PARD3B: variants seen among roughly 807,000 people sequenced by gnomAD.
The protein encoded by PARD3B is par-3 family cell polarity regulator beta.
Under a neutral mutation model 130.2 loss-of-function variants are expected in PARD3B, and 103 were observed. That is an observed-to-expected ratio of 0.79 (90% confidence interval 0.67 to 0.93). The LOEUF (loss-of-function observed/expected upper bound fraction) is 0.93, where lower values mean the gene tolerates loss of function less well. Ranked by LOEUF, PARD3B falls within the 40% of genes least tolerant of loss-of-function variation. The pLI is 0.00. For missense variants in PARD3B, 1,609 were observed against 1,499.2 expected (o/e 1.07, Z -1.21); for synonymous variants, 583 against 553.2 (o/e 1.05, Z -0.76).
chr2:205,013,988 T>C (rs892573919), intron 3 of PARD3B, among the ~76,000 whole-genome samples: 3 of 152,156 alleles, frequency 2.0e-5, no homozygotes, highest in African/African-American at 7.2e-5. Context: ...CTTGTCTGTG[T>C]CTATAAGTTC....
chr2:205,510,471 A>T (rs1054113502), intron 21 of PARD3B, among the ~76,000 whole-genome samples: 2 of 152,110 alleles, frequency 1.3e-5, no homozygotes, highest in African/African-American at 4.8e-5. Context: ...GGGTCACTTC[A>T]GGTGGTAACT....
chr2:204,814,388 A>G (rs934116812), intron 2 of PARD3B, among the ~76,000 whole-genome samples: 3 of 151,888 alleles, frequency 2.0e-5, no homozygotes, highest in Middle Eastern at 6.9e-3. Flanking sequence ...TAGATGATAT[A>G]TAACACAAAA....
At position 205,203,113 on chromosome 2, in the gene PARD3B, A is replaced by T. The variant is rs191007507; in HGVS notation, c.2140+9793A>T. Among the ~76,000 whole-genome samples the T allele has an allele frequency of 5.4e-3, 824 of 152,070 alleles. 3 individuals carry two copies. Among genetic ancestry groups the T allele is most frequent in the Middle Eastern group, 0.037 (11 of 294 alleles). ...GAGAAATGTAAGACTCTATTTCCCCAGAAGAGATACAAAAAAACTATAAAG... is the reference window on the plus strand; with the variant it reads ...GAGAAATGTAAGACTCTATTTCCCCTGAAGAGATACAAAAAAACTATAAAG... On this transcript the variant is annotated intron_variant, in intron 15 of 22. Coordinates refer to ENST00000406610, the MANE Select transcript of PARD3B (RefSeq NM_001302769.2).
intron 4 of PARD3B, among the ~76,000 whole-genome samples, chr2:205,067,225 A>C (rs1438371791): frequency 6.7e-6 from 1 of 149,838 alleles, no homozygotes; most frequent in Non-Finnish European, 1.5e-5. Context: ...GCAATGCTGC[A>C]ATCCTAGCTC....
At chr2:204,750,421 TA>T (rs2040414243) in intron 2 of PARD3B, among the ~76,000 whole-genome samples, 1 of 152,012 alleles carries the variant, frequency 6.6e-6, no homozygotes, top group Non-Finnish European at 1.5e-5. Context: ...CCATCTATAC[TA>T]AAAAATACAG....
At chr2:205,526,231 C>T (rs1243822461) in intron 21 of PARD3B, among the ~76,000 whole-genome samples, 1 of 152,182 alleles carries the variant, frequency 6.6e-6, no homozygotes, top group Non-Finnish European at 1.5e-5. Context: ...CCCATAGTCA[C>T]ATCTGGGTGT....
At chr2:204,778,476 A>G (rs756721111) in intron 2 of PARD3B, among the ~76,000 whole-genome samples, 1 of 152,180 alleles carries the variant, frequency 6.6e-6, no homozygotes, top group Non-Finnish European at 1.5e-5. Context: ...GAGAGGTGGT[A>G]AATGTACCTG....
intron 2 of PARD3B, among the ~76,000 whole-genome samples, chr2:204,763,255 T>A (rs1419510576): frequency 2.0e-5 from 3 of 152,218 alleles, no homozygotes; most frequent in African/African-American, 7.2e-5. Flanking sequence ...TAAATCTGAT[T>A]TAGCTAAAAC....
At chr2:205,412,490 T>A (rs1212961105) in intron 19 of PARD3B, among the ~76,000 whole-genome samples, 3 of 152,204 alleles carry the variant, frequency 2.0e-5, no homozygotes, top group African/African-American at 7.2e-5. Flanking sequence ...ATTATTAAAT[T>A]ATGACAGGTT....
intron 18 of PARD3B, among the ~76,000 whole-genome samples, chr2:205,383,109 T>TAGATAGATAGATAGATAGAGAGAG (rs1553500321): frequency 1.7e-4 from 25 of 144,884 alleles, no homozygotes; most frequent in East Asian, 4.1e-4. Flanking sequence ...GATAGATAGA[T>TAGATAGATAGATAGATAGAGAGAG]AGATAGATAG....
intron 4 of PARD3B, among the ~76,000 whole-genome samples, chr2:205,092,935 G>A (rs543332581): frequency 1.2e-4 from 18 of 152,234 alleles, no homozygotes; most frequent in African/African-American, 4.1e-4. Flanking sequence ...TAAAATATAG[G>A]TGCATATGTA....
intron 18 of PARD3B, among the ~76,000 whole-genome samples, chr2:205,370,701 G>A (rs895341973): frequency 3.9e-5 from 6 of 152,172 alleles, no homozygotes; most frequent in African/African-American, 1.2e-4. Flanking sequence ...AGCTGAATCC[G>A]AGCTGTTATT....
chr2:204,942,973 C>T (rs1205900177), intron 2 of PARD3B, among the ~76,000 whole-genome samples: 5 of 151,960 alleles, frequency 3.3e-5, no homozygotes, highest in Admixed American at 3.3e-4. Flanking sequence ...ACAACAGACC[C>T]CTATGACACA....
intron 22 of PARD3B, among the ~76,000 whole-genome samples, chr2:205,598,484 C>T (rs2054655879): frequency 6.6e-6 from 1 of 152,090 alleles, no homozygotes; most frequent in African/African-American, 2.4e-5. Flanking sequence ...TTCTTAGAGA[C>T]CTACAAAGAA....
At position 204,546,101 on chromosome 2, in the gene PARD3B, C is replaced by T. The variant is rs2029910022; in HGVS notation, c.102C>T (p.Tyr34=). 1.3e-6 allele frequency: 2 copies of T among 1,556,084 alleles called. No homozygotes were observed. Among genetic ancestry groups the T allele is most frequent in the Non-Finnish European group, 1.7e-6 (2 of 1,150,044 alleles). ...TCACCCAGCAGGCGCTGCAGCGGTA[C>T]CTGAAGACCCGGGAGAAGGTGAGCG... ...GELTQQALQR[Y]LKTREKGPGY... Residue 34 remains tyrosine, a synonymous_variant, in exon 1 of 23, where the codon TAC becomes TAT. Coordinates refer to ENST00000406610, the MANE Select transcript of PARD3B (RefSeq NM_001302769.2).
In PARD3B at chr2:205,150,211, CTGTGTGTGTG is replaced by C. The variant is rs71409001; in HGVS notation, c.1435-8478_1435-8469del. On this transcript the variant is annotated intron_variant, in intron 10 of 22. Transcript: ENST00000406610. ...TTTCCCTTACTACGCCAGCCAGGCT[CTGTGTGTGTG>C]TGTGTGTGTGTGTGTGTGTGTGTGT... Among the ~76,000 whole-genome samples the C allele has an allele frequency of 1.2e-3, 157 of 134,280 alleles. 1 individual carries two copies. The Admixed American group carries it at 0.012, about 10-fold the overall frequency. The allele number at this position is 134,280 out of a possible 152,430, so 88.1% of individuals were successfully genotyped here.
At chr2:205,387,728 G>A (rs1274655355) in intron 18 of PARD3B, among the ~76,000 whole-genome samples, 1 of 152,184 alleles carries the variant, frequency 6.6e-6, no homozygotes, top group Non-Finnish European at 1.5e-5. Context: ...TCAATATTAG[G>A]TGGGGAAGTT....
chr2:204,955,152 TA>T (rs1405078009), intron 2 of PARD3B, among the ~76,000 whole-genome samples: 1 of 152,198 alleles, frequency 6.6e-6, no homozygotes, highest in African/African-American at 2.4e-5. Flanking sequence ...TTAGTACAAA[TA>T]AGCAGCGTTC....
rs995078755 is a variant in PARD3B at position 204,890,829 on chromosome 2, T to G, written c.223-74323T>G. On this transcript the variant is annotated intron_variant, in intron 2 of 22. Transcript: ENST00000406610. The surrounding 1 kb of genome is among the most constrained non-coding windows in gnomAD (Gnocchi z 4.9). ...ACGTTTCACTGCAGCTACTACAGCA[T>G]CTTTGCTGTCTGGAGGGTATTGTTT... Among the ~76,000 whole-genome samples the G allele has an allele frequency of 2.8e-4, 43 of 152,216 alleles. 1 individual carries two copies. The highest frequency in any genetic ancestry group is 9.9e-4 in the African/African-American group (41 of 41,462).
Sources: allele counts gnomAD v4.1 joint callset (sites outside exome capture counted in the v4.1 genomes callset), GRCh38; gene constraint gnomAD v4.1.1; non-coding constraint Gnocchi (gnomAD v3.1); transcripts MANE v1.5; gene names NCBI Gene and HGNC (gene_info 2026-07-23, HGNC 2026-07-21).